The following RYR3 variants were observed in gnomAD, a reference collection of about 807,000 sequenced individuals.
RYR3 encodes the protein brain ryanodine receptor-calcium release channel.
A neutral mutation model predicts 584.3 loss-of-function variants in RYR3; 207 were observed. The observed-to-expected ratio is 0.35, with a 90% CI of 0.32 to 0.40. The LOEUF (loss-of-function observed/expected upper bound fraction) is 0.40. RYR3 is among the 10% of genes least tolerant of loss of function. The probability of loss-of-function intolerance (pLI) is 1.00; values close to 1 mark genes in which losing one functional copy is unlikely to be tolerated. For missense variants in RYR3, 5,616 were observed against 6,089.2 expected, an observed-to-expected ratio of 0.92 and a Z score of 2.59; for synonymous variants, 2,416 against 2,248.5, an observed-to-expected ratio of 1.07 and a Z score of -2.11.
Position 33,751,187 on chromosome 15 carries a change from A to G in RYR3, c.8399+901A>G, listed in dbSNP as rs562001229. ...CTTTGCTATTGTGAACAGTGCTGCAATAAACATACGTGTGCATGTGTCTTT... is the reference window on the plus strand; with the variant it reads ...CTTTGCTATTGTGAACAGTGCTGCAGTAAACATACGTGTGCATGTGTCTTT... On this transcript the variant is annotated intron_variant, in intron 57 of 103. Coordinates refer to ENST00000634891, the MANE Select transcript of RYR3 (RefSeq NM_001036.6). Among the ~76,000 whole-genome samples the G allele has an allele frequency of 1.8e-3, 268 of 152,326 alleles. 2 individuals are homozygous for G. The highest frequency in any genetic ancestry group is 6.2e-3 in the African/African-American group (259 of 41,578).
At chr15:33,546,477 C>T (rs2056247731) in intron 8 of RYR3, among the ~76,000 whole-genome samples, 3 of 152,142 alleles carry the variant, frequency 2.0e-5, no homozygotes, top group African/African-American at 7.2e-5. Context: ...ATAACATGTA[C>T]ATTAGAGAAA....
rs1451667637 is a variant in RYR3, at chr15:33,372,053, G to T, written c.51+60957G>T. Among the ~76,000 whole-genome samples the T allele has an allele frequency of 4.6e-5, 7 of 152,224 alleles. No individual in the cohort carries two copies. The South Asian group carries it at 1.2e-3, about 27-fold the overall frequency. ...TTGCACATAACAGCTTCCACTTGTT[G>T]ATGCTCTGTGTGCTAGGTATTGTGC... On this transcript the variant is annotated intron_variant, in intron 1 of 103. Transcript: ENST00000634891.
At chr15:33,697,772 G>A in intron 39 of RYR3, 110 bp from the exon 40 acceptor site, 1 of 678,028 alleles carries the variant, frequency 1.5e-6, no homozygotes, top group Non-Finnish European at 2.7e-6. Context: ...TTTTCAGCCT[G>A]TTACTTTCAT....
At chr15:33,437,966 C>A (rs2045877175) in intron 1 of RYR3, among the ~76,000 whole-genome samples, 1 of 152,136 alleles carries the variant, frequency 6.6e-6, no homozygotes, top group Non-Finnish European at 1.5e-5. Context: ...CAGCATTCCA[C>A]CTGCTTCAGC....
chr15:33,865,220 T>G lies in RYR3; in HGVS notation c.14607T>G (p.Leu4869=). 5 of 1,611,694 alleles carry G rather than the reference T, an allele frequency of 3.1e-6. No individual in the cohort carries two copies. Among genetic ancestry groups the G allele is most frequent in the Non-Finnish European group, 4.2e-6 (5 of 1,178,464 alleles). The stretch of plus-strand genomic sequence containing the variant: ...TTCGTAAACAATATGAAGATCAGCT[T>G]GGATAAATCTGAATCAAAGAAGCGC... ...DCFRKQYEDQ[L]G Residue 4869 remains leucine (L), a synonymous_variant, in exon 104 of 104, where the codon CTT becomes CTG. Transcript: ENST00000634891.
intron 72 of RYR3, 108 bp downstream of exon 72, chr15:33,811,145 A>G: frequency 1.1e-6 from 1 of 927,342 alleles, no homozygotes; most frequent in South Asian, 1.4e-5. Context: ...TTCCAAAAAC[A>G]GTTTGGGGGT....
At chr15:33,658,428 T>A (rs952123953) in intron 32 of RYR3, among the ~76,000 whole-genome samples, 6 of 152,208 alleles carry the variant, frequency 3.9e-5, no homozygotes, top group African/African-American at 1.2e-4. Flanking sequence ...TCCACCAAGA[T>A]GAAGTTTTAC....
intron 60 of RYR3, among the ~76,000 whole-genome samples, chr15:33,758,949 A>T (rs1338641763): frequency 6.6e-6 from 1 of 152,170 alleles, no homozygotes; most frequent in African/African-American, 2.4e-5. Flanking sequence ...GAGGAAGGAG[A>T]AAGCAGCAAT....
intron 1 of RYR3, among the ~76,000 whole-genome samples, chr15:33,367,022 T>G (rs1975601720): frequency 2.0e-5 from 3 of 152,210 alleles, no homozygotes; most frequent in African/African-American, 7.2e-5. Context: ...ATTGTAACAT[T>G]TTGTTCATCC....
intron 1 of RYR3, among the ~76,000 whole-genome samples, chr15:33,439,769 A>G (rs1274104201): frequency 1.3e-5 from 2 of 152,216 alleles, no homozygotes; most frequent in Non-Finnish European, 2.9e-5. Flanking sequence ...GAAATAATCC[A>G]TATGAAGTAC....
intron 3 of RYR3, among the ~76,000 whole-genome samples, chr15:33,524,292 C>T (rs1237305516): frequency 6.6e-6 from 1 of 152,184 alleles, no homozygotes; most frequent in African/African-American, 2.4e-5. Flanking sequence ...ATTTTGTTTT[C>T]TGCTTTTCCC....
Position 33,636,528 on chromosome 15 carries a change from C to G in RYR3, c.3534C>G (p.Phe1178Leu). Residue 1178 changes from phenylalanine to leucine, a missense_variant, in exon 27 of 104, where the codon TTC becomes TTG. Coordinates refer to ENST00000634891, the MANE Select transcript of RYR3 (RefSeq NM_001036.6). Reference protein sequence around the residue: ...LITNKGSELAFADYEIENGFV... With the variant: ...LITNKGSELALADYEIENGFV... ...CCAACAAAGGCTCTGAACTTGCCTT[C>G]GCTGACTACGAGATTGAGAATGGTA... 1 of 1,600,684 alleles carries G rather than the reference C, an allele frequency of 6.2e-7. No individual in the cohort carries two copies. Among genetic ancestry groups the G allele is most frequent in the South Asian group, 1.1e-5 (1 of 88,304 alleles).
At chr15:33,522,432 A>G (rs572768840) in intron 3 of RYR3, among the ~76,000 whole-genome samples, 2 of 152,030 alleles carry the variant, frequency 1.3e-5, no homozygotes, top group East Asian at 1.9e-4. Context: ...GGGGGGAAAA[A>G]CCTCTTCACA....
At chr15:33,533,240 C>T in intron 4 of RYR3, 71 bp from the exon 5 acceptor site, 1 of 1,021,542 alleles carries the variant, frequency 9.8e-7, no homozygotes, top group South Asian at 1.4e-5. Flanking sequence ...TAACTAGAAG[C>T]TAACTAGTGG....
chr15:33,726,553 C>A (rs1449143200), intron 46 of RYR3, 47 bp downstream of exon 46: 1 of 1,541,064 alleles, frequency 6.5e-7, no homozygotes, highest in Non-Finnish European at 8.7e-7. Context: ...CCAGCAGCCA[C>A]TGGCTCGGGG....
intron 11 of RYR3, among the ~76,000 whole-genome samples, chr15:33,564,130 G>C (rs1159395857): frequency 6.6e-6 from 1 of 152,176 alleles, no homozygotes; most frequent in Non-Finnish European, 1.5e-5. Flanking sequence ...ATGGGATCTT[G>C]CATTAGCTCA....
chr15:33,859,640 C>A lies in RYR3; in HGVS notation c.14208C>A (p.Asp4736Glu). 2 of 1,613,954 alleles carry A rather than the reference C, an allele frequency of 1.2e-6. No homozygotes were observed. The highest frequency in any genetic ancestry group is 1.7e-6 in the Non-Finnish European group (2 of 1,179,852). ...GTGGCATTGGTGATGAAATTGAAGACCCTGCTGGTGATCCTTATGAAATGT... is the reference window on the plus strand; with the variant it reads ...GTGGCATTGGTGATGAAATTGAAGAACCTGCTGGTGATCCTTATGAAATGT... ...AGGGIGDEIE[D>E]PAGDPYEMYR... is the part of the protein sequence containing the mutation. The change falls in exon 100 of 104, where the codon GAC (aspartate) becomes GAA (glutamate). Residue 4736 changes from aspartate to glutamate, a missense_variant. By Grantham distance (45) the Asp-to-Glu change is conservative. This residue lies in a region of RYR3 where 918 missense variants were observed against 887.4 expected (regional missense o/e 1.03). Transcript: ENST00000634891.
intron 1 of RYR3, among the ~76,000 whole-genome samples, chr15:33,432,978 C>T (rs1216646147): frequency 6.6e-6 from 1 of 151,728 alleles, no homozygotes; most frequent in Non-Finnish European, 1.5e-5. Context: ...ATTGTGTGGG[C>T]TGAATCAAAT....
At chr15:33,499,736 G>C (rs556077441) in intron 2 of RYR3, among the ~76,000 whole-genome samples, 1 of 152,176 alleles carries the variant, frequency 6.6e-6, no homozygotes, top group African/African-American at 2.4e-5. Flanking sequence ...CAGAAACTAA[G>C]TTACCTGCAT....
Sources: gnomAD v4.1 joint callset for allele counts (sites outside exome capture counted in the v4.1 genomes callset) on GRCh38, gnomAD v4.1.1 for gene constraint, gnomAD v4.1.1 regional missense constraint, MANE v1.5 for transcripts, NCBI Gene and HGNC (gene_info 2026-07-23, HGNC 2026-07-21) for gene names.